EYS: variants seen among roughly 807,000 people sequenced by gnomAD.
The protein encoded by EYS is protein eyes shut homolog.
In EYS, 250 loss-of-function variants were observed where a neutral mutation model predicts 282.1. The ratio of observed to expected loss-of-function variants is 0.89; its 90% CI spans 0.80 to 0.98. The LOEUF is 0.98. Among genes scored for constraint, EYS ranks in the 50% least tolerant of loss-of-function variants. The pLI is 0.00. For synonymous variants in EYS, 1,355 were observed against 1,282.9 expected, an observed-to-expected ratio of 1.06 and a Z score of -1.20; for missense variants, 4,016 against 3,709.0, an observed-to-expected ratio of 1.08 and a Z score of -2.15.
chr6:64,846,822 G>A, intron 19 of EYS, among the ~76,000 whole-genome samples: 1 of 152,108 alleles, frequency 6.6e-6, no homozygotes, highest in East Asian at 1.9e-4. Flanking sequence ...ATAAATTATT[G>A]TTTTTTATTA....
intron 31 of EYS, among the ~76,000 whole-genome samples, chr6:64,088,536 CTAAAT>C (rs1432217808): frequency 1.3e-5 from 2 of 151,598 alleles, no homozygotes; most frequent in Non-Finnish European, 2.9e-5. Context: ...TTTTAAGTTC[CTAAAT>C]TATATTAAAA....
At chr6:64,673,012 C>T (rs1287722814) in intron 22 of EYS, among the ~76,000 whole-genome samples, 1 of 152,126 alleles carries the variant, frequency 6.6e-6, no homozygotes, top group Non-Finnish European at 1.5e-5. Context: ...CGCATAACTT[C>T]TATCTTTATA....
intron 30 of EYS, among the ~76,000 whole-genome samples, chr6:64,289,378 C>T (rs1038466859): frequency 1.8e-4 from 27 of 152,076 alleles, no homozygotes; most frequent in African/African-American, 6.3e-4. Context: ...AAGAGTGACC[C>T]TTGCTTTTGC....
At chr6:64,142,112 A>T (rs1774356566) in intron 31 of EYS, among the ~76,000 whole-genome samples, 1 of 152,034 alleles carries the variant, frequency 6.6e-6, no homozygotes, top group Non-Finnish European at 1.5e-5. Flanking sequence ...CGAGGTGGAG[A>T]GAAAAAGATC....
At chr6:64,793,842 A>G (rs1774265436) in intron 22 of EYS, among the ~76,000 whole-genome samples, 1 of 151,922 alleles carries the variant, frequency 6.6e-6, no homozygotes, top group Admixed American at 6.6e-5. Flanking sequence ...TTAACATGAG[A>G]TATACTCTCT....
chr6:65,107,393 AACACCT>A (rs1316994991), intron 12 of EYS, among the ~76,000 whole-genome samples: 1 of 136,306 alleles, frequency 7.3e-6, no homozygotes, highest in Non-Finnish European at 1.5e-5. Context: ...ATTGTTATAT[AACACCT>A]ACAATATAAT....
intron 30 of EYS, among the ~76,000 whole-genome samples, chr6:64,301,935 T>C (rs1769253011): frequency 6.6e-6 from 1 of 152,192 alleles, no homozygotes; most frequent in African/African-American, 2.4e-5. Flanking sequence ...GGAGACTTTT[T>C]CCGCTCAGCC....
intron 2 of EYS, among the ~76,000 whole-genome samples, chr6:65,541,916 C>A (rs779919716): frequency 2.0e-5 from 3 of 151,946 alleles, no homozygotes; most frequent in Non-Finnish European, 4.4e-5. Flanking sequence ...AATGCAATTA[C>A]CTGGGAACCT....
intron 31 of EYS, among the ~76,000 whole-genome samples, chr6:64,111,439 C>T (rs1382809414): frequency 6.6e-6 from 1 of 151,906 alleles, no homozygotes; most frequent in Non-Finnish European, 1.5e-5. Flanking sequence ...CATGGCAGTG[C>T]GGATAAAAAG....
chr6:65,011,673 C>G (rs546595383), intron 13 of EYS, among the ~76,000 whole-genome samples: 1 of 152,088 alleles, frequency 6.6e-6, no homozygotes, highest in Admixed American at 6.6e-5. Flanking sequence ...TTTCCTAGGC[C>G]GACTAAGAAT....
intron 12 of EYS, among the ~76,000 whole-genome samples, chr6:65,078,412 A>G (rs1774123050): frequency 6.6e-6 from 1 of 152,122 alleles, no homozygotes; most frequent in African/African-American, 2.4e-5. Context: ...CAATAGCAAA[A>G]TAGGAACTGC....
chr6:65,582,044 A>C (rs985118294), intron 2 of EYS, among the ~76,000 whole-genome samples: 5 of 151,562 alleles, frequency 3.3e-5, no homozygotes, highest in Non-Finnish European at 5.9e-5. Context: ...ATATATATAT[A>C]AATTAGCCAA....
intron 8 of EYS, among the ~76,000 whole-genome samples, chr6:65,361,855 CA>C: frequency 6.6e-6 from 1 of 152,004 alleles, no homozygotes; most frequent in Admixed American, 6.6e-5. Flanking sequence ...TAACACAAAG[CA>C]AAACAACTAA....
At chr6:64,323,912 T>C (rs1023557656) in intron 29 of EYS, among the ~76,000 whole-genome samples, 23 of 152,258 alleles carry the variant, frequency 1.5e-4, no homozygotes, top group Admixed American at 1.5e-3. Flanking sequence ...TGACTTTACA[T>C]TTGAACATTC....
chr6:65,573,824 C>T (rs570010272), intron 2 of EYS, among the ~76,000 whole-genome samples: 1 of 152,270 alleles, frequency 6.6e-6, no homozygotes, highest in South Asian at 2.1e-4. Context: ...TTCCCATTCT[C>T]ATCTTCTCAA....
At chr6:64,113,127 C>T (rs1773262244) in intron 31 of EYS, among the ~76,000 whole-genome samples, 1 of 151,982 alleles carries the variant, frequency 6.6e-6, no homozygotes, top group South Asian at 2.1e-4. Context: ...ATATGATATA[C>T]AAAGTCCATT....
At chr6:63,823,400 C>A (rs968751337) in intron 36 of EYS, among the ~76,000 whole-genome samples, 1 of 152,056 alleles carries the variant, frequency 6.6e-6, no homozygotes, top group Non-Finnish European at 1.5e-5. Context: ...GTTTAATTAC[C>A]TTTGAAGATG....
At chr6:63,903,066 A>G (rs1462449146) in intron 35 of EYS, among the ~76,000 whole-genome samples, 1 of 152,178 alleles carries the variant, frequency 6.6e-6, no homozygotes, top group African/African-American at 2.4e-5. Context: ...AGAAGTTGGT[A>G]ATTATGAATT....
intron 35 of EYS, among the ~76,000 whole-genome samples, chr6:63,883,600 T>C (rs1352848424): frequency 6.6e-6 from 1 of 152,358 alleles, no homozygotes; most frequent in East Asian, 1.9e-4. Flanking sequence ...TCTACAACTC[T>C]GCTTAATGCC....
Sources: allele counts gnomAD v4.1 joint callset (sites outside exome capture counted in the v4.1 genomes callset), GRCh38; gene constraint gnomAD v4.1.1; transcripts MANE v1.5; gene names NCBI Gene and HGNC (gene_info 2026-07-23, HGNC 2026-07-21).